UBA6: variants seen among roughly 807,000 people sequenced by gnomAD.
UBA6 encodes ubiquitin like modifier activating enzyme 6, also known as ubiquitin-like modifier-activating enzyme 6.
In UBA6, 87 loss-of-function variants were observed where a neutral mutation model predicts 148.3. The ratio of observed to expected loss-of-function variants is 0.59; its 90% CI spans 0.49 to 0.70. UBA6 has a LOEUF of 0.70. UBA6 is among the 30% of genes least tolerant of loss of function. UBA6 has a pLI of 0.00. For synonymous variants in UBA6, 376 were observed against 401.0 expected (o/e 0.94, Z 0.75); for missense variants, 1,186 against 1,241.2 (o/e 0.96, Z 0.67).
chr4:67,621,783 C>T (rs561617966), intron 32 of UBA6, among the ~76,000 whole-genome samples: 4 of 152,162 alleles, frequency 2.6e-5, no homozygotes, highest in East Asian at 1.9e-4. Flanking sequence ...CCAGCCTAGG[C>T]GACACAGTGA....
In UBA6 at chr4:67,633,553, G is replaced by A. The variant is rs1048998377; in HGVS notation, c.2014-80C>T. The A allele has an allele frequency of 4.7e-6, 6 of 1,280,242 alleles. No homozygotes were observed. The Admixed American group carries it at 1.6e-4, about 35-fold the overall frequency. 79.3% of individuals were successfully genotyped at this position (1,280,242 alleles called of 1,614,324 possible). On this transcript the variant is annotated intron_variant, in intron 22 of 32. Coordinates refer to ENST00000322244, the MANE Select transcript of UBA6 (RefSeq NM_018227.6). ...CATCCCTCACCAAAAGTTAGCCTAA[G>A]TTTGAAGTGTCAACTCATGTGTTTT...
At chr4:67,630,279 T>C (rs1728965984) in intron 26 of UBA6, among the ~76,000 whole-genome samples, 187 bp downstream of exon 26, 1 of 152,130 alleles carries the variant, frequency 6.6e-6, no homozygotes, top group Admixed American at 6.6e-5. Context: ...ATCCGACTTC[T>C]ACTTAGCAAT....
chr4:67,689,790 T>C (rs17634475), intron 2 of UBA6, among the ~76,000 whole-genome samples: 17,019 of 152,118 alleles, frequency 0.11, 1,200 homozygotes, highest in South Asian at 0.21. Context: ...GCAACGTACC[T>C]AGTCTTAGGT....
chr4:67,687,314 G>A (rs557853748), intron 2 of UBA6, among the ~76,000 whole-genome samples: 7 of 151,908 alleles, frequency 4.6e-5, no homozygotes, highest in Admixed American at 6.6e-5. Flanking sequence ...GATTACAGGC[G>A]TCAGCCACTG....
intron 23 of UBA6, among the ~76,000 whole-genome samples, chr4:67,633,136 C>T (rs1056904267): frequency 1.3e-5 from 2 of 152,122 alleles, no homozygotes; most frequent in African/African-American, 4.8e-5. Flanking sequence ...AAATTTCTGA[C>T]TAAATGTCCC....
intron 1 of UBA6, 43 bp downstream of exon 1, chr4:67,701,006 T>C: frequency 1.2e-6 from 2 of 1,607,768 alleles, no homozygotes; most frequent in Non-Finnish European, 1.7e-6. Context: ...GGAGCCTGGG[T>C]CCCACCCGCG....
At position 67,641,201 on chromosome 4, in the gene UBA6, C is replaced by T. The variant is rs749637598; in HGVS notation, c.1504G>A (p.Glu502Lys). ...MITVTDPDLI[E>K]KSNLNRQFLF... ...AACTGTCTATTTAAGTTGGATTTCTCTATCAAGTCAGGATCTGTAACTGTA... is the reference window on the plus strand; with the variant it reads ...AACTGTCTATTTAAGTTGGATTTCTTTATCAAGTCAGGATCTGTAACTGTA... The change falls in exon 18 of 33, where the codon GAG becomes AAG. Residue 502 changes from glutamate (E) to lysine (K), a missense_variant. Physicochemically the swap from Glu to Lys is moderately conservative, Grantham distance 56 (BLOSUM62 1). Coordinates refer to ENST00000322244, the MANE Select transcript of UBA6 (RefSeq NM_018227.6). The T allele has an allele frequency of 6.3e-7, 1 of 1,598,428 alleles. No homozygotes were observed. The highest frequency in any genetic ancestry group is 2.3e-5 in the East Asian group (1 of 44,176).
intron 3 of UBA6, among the ~76,000 whole-genome samples, chr4:67,681,833 T>C (rs1730447253): frequency 6.6e-6 from 1 of 152,186 alleles, no homozygotes; most frequent in South Asian, 2.1e-4. Flanking sequence ...TCCAGATATG[T>C]TTTTATGAAT....
At chr4:67,672,460 T>C (rs1730172218) in intron 7 of UBA6, among the ~76,000 whole-genome samples, 2 of 152,218 alleles carry the variant, frequency 1.3e-5, no homozygotes, top group African/African-American at 4.8e-5. Context: ...GGATTCTTAG[T>C]GTCCCTGGAC....
intron 23 of UBA6, 149 bp from the exon 24 acceptor site, chr4:67,632,057 A>G: frequency 1.5e-6 from 1 of 683,064 alleles, no homozygotes; most frequent in East Asian, 2.7e-5. Flanking sequence ...AAGTCTCCCT[A>G]CCACCCTTGT....
chr4:67,696,034 G>C (rs188336739), intron 2 of UBA6, among the ~76,000 whole-genome samples: 258 of 152,194 alleles, frequency 1.7e-3, no homozygotes, highest in Middle Eastern at 3.4e-3. Context: ...AAAAAGCATA[G>C]TTTTAAAAGT....
rs748129241 is a variant in UBA6 at position 67,615,163 on chromosome 4, G to A, written c.*3834C>T. 5 of 152,184 alleles carry A rather than the reference G, an allele frequency of 3.3e-5. No individual in the cohort carries two copies. The highest frequency in any genetic ancestry group is 4.4e-5 in the Non-Finnish European group (3 of 68,030). 9.4% of individuals were successfully genotyped at this position (152,184 alleles called of 1,614,324 possible). A position where few individuals can be genotyped will look rare whatever the true frequency, so the allele number is the denominator to read the frequency against. ...AGGTGAGGGCTGGTGGGAGGTGTTCGGGTTATGGGGATGGATATCTGGATC... is the reference window on the plus strand; with the variant it reads ...AGGTGAGGGCTGGTGGGAGGTGTTCAGGTTATGGGGATGGATATCTGGATC... On this transcript the variant is annotated 3_prime_UTR_variant, in exon 33 of 33. Transcript: ENST00000322244.
intron 4 of UBA6, among the ~76,000 whole-genome samples, chr4:67,679,782 G>A (rs1295814809): frequency 2.0e-5 from 3 of 151,892 alleles, no homozygotes; most frequent in Admixed American, 2.0e-4. Context: ...TACTTTATAA[G>A]CCTAAACCTG....
At position 67,629,106 on chromosome 4, in the gene UBA6, C is replaced by T. The variant is rs1218070180; in HGVS notation, c.2365G>A (p.Glu789Lys). 16 of 1,610,012 alleles carry T rather than the reference C, an allele frequency of 9.9e-6. No homozygotes were observed. The highest frequency in any genetic ancestry group is 1.4e-5 in the Non-Finnish European group (16 of 1,177,124). The change falls in exon 27 of 33, where the codon GAA becomes AAA. Residue 789 changes from glutamate (E) to lysine (K), a missense_variant. Coordinates refer to ENST00000322244, the MANE Select transcript of UBA6 (RefSeq NM_018227.6). The part of the protein sequence containing the change: ...SADALLNILS[E>K]VKIQEFKPSN... ...GGCTTGAATTCCTGAATCTTTACTTCTGAAAGAATATTCAAGAGGGCATCT... is the reference window on the plus strand; with the variant it reads ...GGCTTGAATTCCTGAATCTTTACTTTTGAAAGAATATTCAAGAGGGCATCT...
Position 67,622,826 on chromosome 4 carries a change from C to T in UBA6, c.3023+5G>A, listed in dbSNP as rs1407994136. 3.1e-6 allele frequency: 5 copies of T among 1,601,144 alleles called. No individual in the cohort carries two copies. The highest frequency in any genetic ancestry group is 4.3e-6 in the Non-Finnish European group (5 of 1,173,264). On this transcript the variant is annotated splice_donor_5th_base_variant and intron_variant, in intron 32 of 32. Transcript: ENST00000322244. ...TAATCGCTGCATATAATGTTGAATA[C>T]TTACGTTAACTTCAATCTTTTTGCA... is the stretch of plus-strand genomic sequence containing the variant.
intron 2 of UBA6, among the ~76,000 whole-genome samples, chr4:67,685,400 A>G (rs1412950093): frequency 6.6e-6 from 1 of 152,210 alleles, no homozygotes; most frequent in East Asian, 1.9e-4. Context: ...TTCATGAACT[A>G]GTCCCTGCTT....
intron 1 of UBA6, among the ~76,000 whole-genome samples, chr4:67,697,740 G>C (rs1730875047): frequency 6.6e-6 from 1 of 152,122 alleles, no homozygotes; most frequent in Non-Finnish European, 1.5e-5. Context: ...ATTTCAATCA[G>C]TACAATCTCA....
chr4:67,696,421 A>G (rs1366482116), intron 2 of UBA6, among the ~76,000 whole-genome samples: 1 of 151,170 alleles, frequency 6.6e-6, no homozygotes, highest in Non-Finnish European at 1.5e-5. Context: ...ACATATACAT[A>G]TATACACACA....
Position 67,625,369 on chromosome 4 carries a change from G to A in UBA6, c.2519-182C>T, listed in dbSNP as rs546882355. ...AGGCCACAAAAACAGCTTTTCCCAT[G>A]ATTAAAGAGAGCCAATTTTTTTTAA... On this transcript the variant is annotated intron_variant, in intron 28 of 32. Transcript: ENST00000322244. Among the ~76,000 whole-genome samples the A allele has an allele frequency of 3.3e-5, 5 of 149,256 alleles. No individual in the cohort carries two copies. The South Asian group carries it at 1.1e-3, about 32-fold the overall frequency.
Sources: allele counts gnomAD v4.1 joint callset (sites outside exome capture counted in the v4.1 genomes callset), GRCh38; gene constraint gnomAD v4.1.1; transcripts MANE v1.5; gene names NCBI Gene and HGNC (gene_info 2026-07-23, HGNC 2026-07-21).